The following LIMCH1 variants were observed in gnomAD, a reference collection of about 807,000 sequenced individuals.
LIMCH1 encodes the protein LIM and calponin homology domains 1, also known as LIM and calponin homology domains-containing protein 1.
In LIMCH1, 113 loss-of-function variants were observed where a neutral mutation model predicts 176.5. The ratio of observed to expected loss-of-function variants is 0.64; its 90% CI spans 0.55 to 0.75. The LOEUF (loss-of-function observed/expected upper bound fraction) is 0.75, where lower values mean the gene tolerates loss of function less well. LIMCH1 is among the 30% of genes least tolerant of loss of function. The pLI, the probability that LIMCH1 is intolerant of heterozygous loss-of-function variation, is 0.00. For missense variants in LIMCH1, 1,674 were observed against 1,814.9 expected (o/e 0.92, Z 1.41); for synonymous variants, 619 against 645.9 (o/e 0.96, Z 0.63).
chr4:41,566,522 G>C (rs998895055), intron 1 of LIMCH1, among the ~76,000 whole-genome samples: 1 of 152,160 alleles, frequency 6.6e-6, no homozygotes, highest in African/African-American at 2.4e-5. Flanking sequence ...CTGAAGGACA[G>C]TTGGGTGAAA....
chr4:41,606,643 T>TTCATC (rs1473386891), intron 4 of LIMCH1, among the ~76,000 whole-genome samples: 1 of 152,218 alleles, frequency 6.6e-6, no homozygotes, highest in African/African-American at 2.4e-5. Flanking sequence ...AGTTGAATGT[T>TTCATC]TCATGTGTAC....
At chr4:41,385,413 A>T (rs1462456305) in intron 1 of LIMCH1, among the ~76,000 whole-genome samples, 1 of 152,182 alleles carries the variant, frequency 6.6e-6, no homozygotes, top group Non-Finnish European at 1.5e-5. Context: ...GTTTTGAGTG[A>T]TACAGAAATC....
chr4:41,380,725 A>C (rs542092517), intron 1 of LIMCH1, among the ~76,000 whole-genome samples: 13 of 152,332 alleles, frequency 8.5e-5, no homozygotes, highest in Middle Eastern at 6.8e-3. Context: ...ACTGGGCGAT[A>C]TTGGCAGATC....
At chr4:41,684,289 C>CT (rs977111895) in intron 26 of LIMCH1, 108 bp from the exon 27 acceptor site, 34 of 924,800 alleles carry the variant, frequency 3.7e-5, no homozygotes, top group Middle Eastern at 7.0e-4. Context: ...AGTCCCATCT[C>CT]TTTTTTTATA....
chr4:41,439,034 A>G (rs2062413993), intron 1 of LIMCH1, among the ~76,000 whole-genome samples: 1 of 152,192 alleles, frequency 6.6e-6, no homozygotes, highest in South Asian at 2.1e-4. Context: ...TCCTTTGACT[A>G]AAGAGAAGCA....
At chr4:41,497,759 C>T (rs955897721) in intron 2 of LIMCH1, among the ~76,000 whole-genome samples, 2 of 150,288 alleles carry the variant, frequency 1.3e-5, no homozygotes, top group Non-Finnish European at 1.5e-5. Context: ...GAGCTGGGAT[C>T]GTGCTACTGT....
intron 17 of LIMCH1, 104 bp from the exon 18 acceptor site, chr4:41,650,289 T>TCC: frequency 2.5e-6 from 2 of 791,032 alleles, no homozygotes; most frequent in Non-Finnish European, 4.2e-6. Context: ...TGGACTCTGG[T>TCC]TATTAAATGA....
intron 2 of LIMCH1, among the ~76,000 whole-genome samples, chr4:41,512,074 A>G (rs2074995786): frequency 6.6e-6 from 1 of 152,220 alleles, no homozygotes; most frequent in South Asian, 2.1e-4. Flanking sequence ...AGATAACCCA[A>G]TTTAAAAATG....
chr4:41,513,119 A>C (rs1415864208), intron 2 of LIMCH1, among the ~76,000 whole-genome samples: 3 of 152,216 alleles, frequency 2.0e-5, no homozygotes, highest in Non-Finnish European at 4.4e-5. Context: ...ACTTCAAAAG[A>C]GATATAAAGA....
intron 1 of LIMCH1, among the ~76,000 whole-genome samples, chr4:41,585,012 G>A (rs1409437510): frequency 6.6e-6 from 1 of 152,052 alleles, no homozygotes; most frequent in Non-Finnish European, 1.5e-5. Flanking sequence ...GCTCTCTGGG[G>A]TCTCTTTTAA....
intron 1 of LIMCH1, among the ~76,000 whole-genome samples, chr4:41,492,015 G>A (rs892002160): frequency 1.8e-4 from 28 of 152,336 alleles, no homozygotes; most frequent in Non-Finnish European, 3.8e-4. Flanking sequence ...GGCAGGCAGA[G>A]GCTGTAATCT....
intron 1 of LIMCH1, among the ~76,000 whole-genome samples, chr4:41,551,844 A>G (rs1290613920): frequency 6.6e-6 from 1 of 152,198 alleles, no homozygotes; most frequent in Non-Finnish European, 1.5e-5. Flanking sequence ...AGAGCCTGAA[A>G]TGTGTACTAT....
rs558383293 is a variant in LIMCH1 at position 41,598,741 on chromosome 4, G to A, written c.-240-179G>A. 1.1e-4 allele frequency among the ~76,000 whole-genome samples: 17 copies of A among 152,280 alleles called. No homozygotes were observed. In the East Asian group the frequency reaches 3.1e-3, roughly 28 times the overall value. ...AATCTGGCATGGTTGTGGGTTTGGA[G>A]GTTTGAAGTGTCTGTTTATCTGGCA... On this transcript the variant is annotated intron_variant, in intron 1 of 31. Transcript: ENST00000503057.
At chr4:41,611,227 A>C (rs2091375040) in intron 4 of LIMCH1, among the ~76,000 whole-genome samples, 1 of 152,242 alleles carries the variant, frequency 6.6e-6, no homozygotes, top group African/African-American at 2.4e-5. Context: ...CACATGCTGT[A>C]CAGCTTTGCA....
At chr4:41,460,082 G>T (rs1310077229) in intron 1 of LIMCH1, among the ~76,000 whole-genome samples, 1 of 152,080 alleles carries the variant, frequency 6.6e-6, no homozygotes, top group East Asian at 1.9e-4. Context: ...GCAGAGAGGG[G>T]GTGTGGGCAG....
At chr4:41,503,562 G>T (rs1269384874) in intron 2 of LIMCH1, among the ~76,000 whole-genome samples, 1 of 152,146 alleles carries the variant, frequency 6.6e-6, no homozygotes, top group Non-Finnish European at 1.5e-5. Flanking sequence ...GTCTCTTTGA[G>T]GCCTTGGTTA....
intron 3 of LIMCH1, chr4:41,524,481 G>A (rs367598298): frequency 2.5e-6 from 4 of 1,608,334 alleles, no homozygotes; most frequent in Non-Finnish European, 3.4e-6. Flanking sequence ...CAGGACTGGT[G>A]AGTACGTGGA....
In LIMCH1 at chr4:41,567,669, T is replaced by A. The variant is rs570672751; in HGVS notation, c.-241+29319T>A. On this transcript the variant is annotated intron_variant, in intron 1 of 31. Transcript: ENST00000503057. ...GAACCTGGGGCTTAGACAGATTATG[T>A]AGTTTGCCCAGTATTACCAATAAGT... Among the ~76,000 whole-genome samples the A allele has an allele frequency of 1.5e-4, 23 of 152,338 alleles. No homozygotes were observed. In the East Asian group the frequency reaches 3.9e-3, roughly 26 times the overall value.
chr4:41,551,552 G>A (rs1237671545), intron 1 of LIMCH1, among the ~76,000 whole-genome samples: 1 of 152,176 alleles, frequency 6.6e-6, no homozygotes, highest in African/African-American at 2.4e-5. Flanking sequence ...AGAGTGTTTG[G>A]ATGAAGCCGA....
Sources: gnomAD v4.1 joint callset for allele counts (sites outside exome capture counted in the v4.1 genomes callset) on GRCh38, gnomAD v4.1.1 for gene constraint, MANE v1.5 for transcripts, NCBI Gene and HGNC (gene_info 2026-07-23, HGNC 2026-07-21) for gene names.